MEMO1: variants seen among roughly 807,000 people sequenced by gnomAD.
The protein encoded by MEMO1 is protein MEMO1.
A neutral mutation model predicts 45.2 loss-of-function variants in MEMO1; 6 were observed. The ratio of observed to expected loss-of-function variants is 0.13; its 90% confidence interval spans 0.07 to 0.26. MEMO1 has a LOEUF of 0.26. MEMO1 is among the 10% of genes least tolerant of loss of function. The pLI, the probability that MEMO1 is intolerant of heterozygous loss-of-function variation, is 1.00. For missense variants in MEMO1, 184 were observed against 370.5 expected, an observed-to-expected ratio of 0.50 and a Z score of 4.13; for synonymous variants, 78 against 124.3, an observed-to-expected ratio of 0.63 and a Z score of 2.48.
intron 2 of MEMO1, among the ~76,000 whole-genome samples, chr2:31,979,511 T>C (rs2148494621): frequency 6.6e-6 from 1 of 152,306 alleles, no homozygotes; most frequent in African/African-American, 2.4e-5. Flanking sequence ...ATTTAATTCC[T>C]GTTTTTCAGA....
intron 7 of MEMO1, among the ~76,000 whole-genome samples, chr2:31,886,635 T>A (rs1676236905): frequency 6.6e-6 from 1 of 152,190 alleles, no homozygotes; most frequent in African/African-American, 2.4e-5. Flanking sequence ...CAAATATATT[T>A]TATTTTTATA....
At chr2:31,998,081 A>G (rs1672816549) in intron 2 of MEMO1, among the ~76,000 whole-genome samples, 1 of 152,180 alleles carries the variant, frequency 6.6e-6, no homozygotes. Context: ...GCATAATCAC[A>G]GCTCACTGCA....
At chr2:31,976,164 C>A (rs892531780) in intron 2 of MEMO1, among the ~76,000 whole-genome samples, 1 of 152,134 alleles carries the variant, frequency 6.6e-6, no homozygotes, top group South Asian at 2.1e-4. Context: ...CAAATTCTCA[C>A]AGTTTAAAAT....
intron 2 of MEMO1, among the ~76,000 whole-genome samples, chr2:32,007,187 T>C (rs1674202533): frequency 6.6e-6 from 1 of 152,140 alleles, no homozygotes; most frequent in Admixed American, 6.6e-5. Context: ...CCTGTGTACC[T>C]TCCATTCTTA....
chr2:31,903,220 G>A (rs1028259899), intron 6 of MEMO1, among the ~76,000 whole-genome samples: 2 of 151,982 alleles, frequency 1.3e-5, no homozygotes, highest in Non-Finnish European at 2.9e-5. Flanking sequence ...AATTCTTCCA[G>A]TTTCCTAATG....
rs943584441 is a variant in MEMO1, at chr2:31,868,189, T to C, written c.*172A>G. ...CCCTAAACTATAAAGCATTTTTTAA[T>C]GAGTTGAAATTAAGGAAGGACTACA... On this transcript the variant is annotated 3_prime_UTR_variant, in exon 10 of 10. Coordinates refer to ENST00000404530, the MANE Select transcript of MEMO1 (RefSeq NM_001301833.4). 13 of 485,592 alleles carry C rather than the reference T, an allele frequency of 2.7e-5. No homozygotes were observed. The highest frequency in any genetic ancestry group is 4.0e-5 in the Non-Finnish European group (12 of 302,788). The allele number at this position is 485,592 out of a possible 1,614,324, so 30.1% of individuals were successfully genotyped here.
intron 6 of MEMO1, among the ~76,000 whole-genome samples, chr2:31,908,044 A>G (rs1026870239): frequency 1.3e-5 from 2 of 152,214 alleles, no homozygotes; most frequent in African/African-American, 2.4e-5. Context: ...CCACCACAAA[A>G]TAGCAAATTT....
rs1197452896 is a variant in MEMO1, at chr2:31,868,113, A to G, written c.*248T>C. 5 of 356,284 alleles carry G rather than the reference A, an allele frequency of 1.4e-5. No homozygotes were observed. The East Asian group carries it at 2.3e-4, about 16-fold the overall frequency. 22.1% of individuals were successfully genotyped at this position (356,284 alleles called of 1,614,324 possible). ...CTGTCTGCCACAACTGAGCCTTTAC[A>G]TTGTCATCTTTTTTGATCAAAATAT... On this transcript the variant is annotated 3_prime_UTR_variant, in exon 10 of 10. Coordinates refer to ENST00000404530, the MANE Select transcript of MEMO1 (RefSeq NM_001301833.4).
intron 2 of MEMO1, among the ~76,000 whole-genome samples, chr2:31,999,228 T>C (rs1672971156): frequency 6.6e-6 from 1 of 152,194 alleles, no homozygotes; most frequent in Non-Finnish European, 1.5e-5. Context: ...CTGGTCTCCC[T>C]GGTTCTGCCC....
At chr2:31,988,981 C>T (rs1191931152) in intron 2 of MEMO1, among the ~76,000 whole-genome samples, 1 of 151,916 alleles carries the variant, frequency 6.6e-6, no homozygotes, top group African/African-American at 2.4e-5. Context: ...CCAAGGCAGG[C>T]AGATCACCTG....
intron 8 of MEMO1, among the ~76,000 whole-genome samples, chr2:31,881,099 G>C (rs1675291915): frequency 6.6e-6 from 1 of 152,006 alleles, no homozygotes; most frequent in Non-Finnish European, 1.5e-5. Flanking sequence ...AAGAAAAAAA[G>C]ACAGTAGGAT....
intron 8 of MEMO1, among the ~76,000 whole-genome samples, chr2:31,881,950 GC>G (rs1284353259): frequency 1.3e-5 from 2 of 152,152 alleles, no homozygotes; most frequent in African/African-American, 4.8e-5. Context: ...TCTGAGACCA[GC>G]CTGGGCAACA....
intron 8 of MEMO1, among the ~76,000 whole-genome samples, chr2:31,881,344 A>T (rs1209011783): frequency 2.6e-5 from 4 of 151,560 alleles, no homozygotes; most frequent in Admixed American, 2.0e-4. Context: ...TACAAAAAAA[A>T]ATTAGCCAGG....
intron 7 of MEMO1, among the ~76,000 whole-genome samples, chr2:31,890,548 T>C (rs1468974405): frequency 1.3e-5 from 2 of 152,010 alleles, no homozygotes; most frequent in Non-Finnish European, 2.9e-5. Flanking sequence ...CTGCCAAAGG[T>C]AGCAAACCAG....
intron 2 of MEMO1, among the ~76,000 whole-genome samples, chr2:32,006,603 A>T (rs1288557047): frequency 2.6e-5 from 4 of 152,098 alleles, no homozygotes; most frequent in African/African-American, 9.7e-5. Context: ...AAAAAAAAAA[A>T]AAAGGGCTGC....
chr2:31,927,253 G>A (rs576332252), intron 4 of MEMO1, among the ~76,000 whole-genome samples: 1 of 152,164 alleles, frequency 6.6e-6, no homozygotes, highest in South Asian at 2.1e-4. Flanking sequence ...CCAGGAGGTG[G>A]AGGTTGCAGT....
chr2:31,956,923 C>G (rs181568812), intron 2 of MEMO1, among the ~76,000 whole-genome samples: 3 of 152,232 alleles, frequency 2.0e-5, no homozygotes, highest in Non-Finnish European at 4.4e-5. Flanking sequence ...GCAGGCAGAT[C>G]ACAAGGTCAG....
chr2:31,929,976 C>T (rs1027907814), intron 4 of MEMO1, among the ~76,000 whole-genome samples: 1 of 152,156 alleles, frequency 6.6e-6, no homozygotes, highest in African/African-American at 2.4e-5. Flanking sequence ...ATAATTTGAT[C>T]GGGCTGGGCA....
chr2:31,979,181 G>A (rs1474844433), intron 2 of MEMO1, among the ~76,000 whole-genome samples: 7 of 152,118 alleles, frequency 4.6e-5, no homozygotes, highest in South Asian at 2.1e-4. Context: ...ATCAGATCTC[G>A]TGAGAAATCC....
Sources: gnomAD v4.1 joint callset for allele counts (sites outside exome capture counted in the v4.1 genomes callset) on GRCh38, gnomAD v4.1.1 for gene constraint, MANE v1.5 for transcripts, NCBI Gene and HGNC (gene_info 2026-07-23, HGNC 2026-07-21) for gene names.